The following ELF5 variants were observed in gnomAD, a reference collection of about 807,000 sequenced individuals.
ELF5 encodes E74 like ETS transcription factor 5.
A neutral mutation model predicts 38.2 loss-of-function variants in ELF5; 31 were observed. The ratio of observed to expected loss-of-function variants is 0.81; its 90% CI spans 0.61 to 1.10. The LOEUF (loss-of-function observed/expected upper bound fraction) is 1.10, where lower values mean the gene tolerates loss of function less well. ELF5 is among the 50% of genes least tolerant of loss of function. ELF5 has a pLI of 0.00. For synonymous variants in ELF5, 121 were observed against 112.5 expected, an observed-to-expected ratio of 1.08 and a Z score of -0.48; for missense variants, 300 against 306.6, an observed-to-expected ratio of 0.98 and a Z score of 0.16.
chr11:34,482,581 C>T (rs1330403553), intron 4 of ELF5, 82 bp from the exon 5 acceptor site: 8 of 1,119,460 alleles, frequency 7.1e-6, no homozygotes, highest in Non-Finnish European at 1.0e-5. Context: ...TGAGCAAATA[C>T]TAATTGAATG....
chr11:34,511,776 G>C (rs1850765807), intron 1 of ELF5: 2 of 595,220 alleles, frequency 3.4e-6, no homozygotes, highest in African/African-American at 1.9e-5. Context: ...CCCAGAGAGA[G>C]GGGAAGGAGC....
chr11:34,508,215 T>C (rs1211746528), intron 1 of ELF5, among the ~76,000 whole-genome samples: 1 of 152,136 alleles, frequency 6.6e-6, no homozygotes, highest in African/African-American at 2.4e-5. Flanking sequence ...TAAAAATAAT[T>C]TTACTGCTGG....
intron 1 of ELF5, among the ~76,000 whole-genome samples, chr11:34,512,233 A>G (rs931684976): frequency 2.0e-5 from 3 of 146,384 alleles, no homozygotes; most frequent in Non-Finnish European, 3.0e-5. Flanking sequence ...TCTGAGAGGA[A>G]CCCTAGCAAC....
At chr11:34,505,562 G>T (rs1051978218) in intron 2 of ELF5, 67 bp downstream of exon 2, 37 of 1,601,048 alleles carry the variant, frequency 2.3e-5, no homozygotes, top group Admixed American at 1.0e-4. Context: ...TCCACCTGCG[G>T]CCAGCACCAC....
At chr11:34,485,631 A>T (rs143281662) in intron 4 of ELF5, among the ~76,000 whole-genome samples, 1 of 152,298 alleles carries the variant, frequency 6.6e-6, no homozygotes, top group East Asian at 1.9e-4. Flanking sequence ...AGAGGGGTTT[A>T]TGAGGCTGAT....
At chr11:34,506,352 AG>A (rs1262974232) in intron 1 of ELF5, among the ~76,000 whole-genome samples, 1 of 152,138 alleles carries the variant, frequency 6.6e-6, no homozygotes, top group African/African-American at 2.4e-5. Context: ...GAGGCAGGGA[AG>A]GGGGCCAAGG....
chr11:34,480,659 A>G, intron 6 of ELF5, 113 bp downstream of exon 6: 1 of 1,227,502 alleles, frequency 8.1e-7, no homozygotes, highest in Non-Finnish European at 1.1e-6. Flanking sequence ...GTTTTGTCTC[A>G]TGACCTTTCC....
At chr11:34,495,081 G>A (rs952487888) in intron 2 of ELF5, among the ~76,000 whole-genome samples, 4 of 152,226 alleles carry the variant, frequency 2.6e-5, no homozygotes, top group Admixed American at 6.5e-5. Flanking sequence ...ACGCCAGCGT[G>A]TGGCAGAGCT....
rs1850650521 is a variant in ELF5, at chr11:34,507,943, A to G, written c.-4-2190T>C. Among the ~76,000 whole-genome samples, 3 of 152,212 alleles carry G rather than the reference A, an allele frequency of 2.0e-5. No individual in the cohort carries two copies. The South Asian group carries it at 6.2e-4, about 31-fold the overall frequency. On this transcript the variant is annotated intron_variant, in intron 1 of 6. Transcript: ENST00000257832. The stretch of plus-strand genomic sequence containing the variant: ...CGACTGTGATAATTTCACTCAATCC[A>G]TATACTACGAGCACTATTATTTACT...
intron 4 of ELF5, among the ~76,000 whole-genome samples, chr11:34,483,193 G>C (rs1856979587): frequency 6.6e-6 from 1 of 151,950 alleles, no homozygotes. Flanking sequence ...TTGGATACTT[G>C]TGGTGCACGC....
intron 4 of ELF5, among the ~76,000 whole-genome samples, chr11:34,489,742 C>G (rs145757615): frequency 6.6e-6 from 1 of 152,174 alleles, no homozygotes; most frequent in Non-Finnish European, 1.5e-5. Flanking sequence ...AAACTTACCA[C>G]GACCCACAAG....
chr11:34,482,422 T>C lies in ELF5; in HGVS notation c.475+9A>G. On this transcript the variant is annotated intron_variant, in intron 5 of 6. Transcript: ENST00000257832. ...GAAATTAGAATGAAAACTGGCATCC[T>C]GCACTTACTTGTTCTACTATGACTG... is the stretch of plus-strand genomic sequence containing the variant. The C allele has an allele frequency of 6.2e-7, 1 of 1,612,564 alleles. No individual in the cohort carries two copies. The highest frequency in any genetic ancestry group is 8.5e-7 in the Non-Finnish European group (1 of 1,179,042).
chr11:34,482,908 A>G (rs1347807779), intron 4 of ELF5, among the ~76,000 whole-genome samples: 1 of 152,144 alleles, frequency 6.6e-6, no homozygotes, highest in African/African-American at 2.4e-5. Context: ...AAGGGTAGAA[A>G]GCAAGACGTT....
At chr11:34,501,669 A>T (rs1850473624) in intron 2 of ELF5, among the ~76,000 whole-genome samples, 1 of 152,068 alleles carries the variant, frequency 6.6e-6, no homozygotes, top group South Asian at 2.1e-4. Context: ...GGGTAAGTTC[A>T]TGAAATTCTA....
chr11:34,505,658 T>G lies in ELF5; in HGVS notation c.92A>C (p.Glu31Ala). 1.2e-6 allele frequency: 2 copies of G among 1,614,040 alleles called. No homozygotes were observed. Among genetic ancestry groups the G allele is most frequent in the Non-Finnish European group, 8.5e-7 (1 of 1,179,948 alleles). Reference sequence around the variant, plus strand: ...CTGATGCTCAAAGGCAGGGTAGTACTCTTCATTGCTGAACAGATCAGTCCA... The same window carrying G: ...CTGATGCTCAAAGGCAGGGTAGTACGCTTCATTGCTGAACAGATCAGTCCA... ...MSWTDLFSNEEYYPAFEHQTA... is the reference protein window; with the variant it reads ...MSWTDLFSNEAYYPAFEHQTA... The change falls in exon 2 of 7, where the codon GAG (glutamate) becomes GCG (alanine). Residue 31 changes from glutamate to alanine, a missense_variant. By Grantham distance (107) the Glu-to-Ala change is moderately radical. Transcript: ENST00000257832.
intron 4 of ELF5, among the ~76,000 whole-genome samples, chr11:34,484,316 T>C (rs1225412132): frequency 6.6e-6 from 1 of 151,668 alleles, no homozygotes; most frequent in African/African-American, 2.4e-5. Context: ...AACTATACTG[T>C]ACCATATATT....
intron 2 of ELF5, among the ~76,000 whole-genome samples, chr11:34,502,505 G>GCCCCT (rs1850497784): frequency 6.6e-6 from 1 of 152,188 alleles, no homozygotes; most frequent in Admixed American, 6.5e-5. Context: ...AAGACAGAAG[G>GCCCCT]CCCCTCCTGC....
intron 1 of ELF5, chr11:34,511,841 G>C (rs1331524682): frequency 4.0e-6 from 2 of 494,832 alleles, no homozygotes; most frequent in Non-Finnish European, 7.3e-6. Context: ...TCCTGACTCT[G>C]GTGGTGATCA....
At chr11:34,513,314 C>T (rs1207003144) in intron 1 of ELF5, among the ~76,000 whole-genome samples, 1 of 152,202 alleles carries the variant, frequency 6.6e-6, no homozygotes, top group East Asian at 1.9e-4. Flanking sequence ...GGGGGGCTTT[C>T]CTTGAAGCTG....
Sources: allele counts gnomAD v4.1 joint callset (sites outside exome capture counted in the v4.1 genomes callset), GRCh38; gene constraint gnomAD v4.1.1; transcripts MANE v1.5; gene names NCBI Gene and HGNC (gene_info 2026-07-23, HGNC 2026-07-21).